DLG2: variants seen among roughly 807,000 people sequenced by gnomAD.
DLG2 encodes disks large homolog 2.
Under a neutral mutation model 132.5 loss-of-function variants are expected in DLG2, and 45 were observed. The ratio of observed to expected loss-of-function variants is 0.34; its 90% CI spans 0.27 to 0.44. DLG2 has a LOEUF of 0.44. DLG2 is among the 20% of genes least tolerant of loss of function. DLG2 has a pLI of 1.00. For missense variants in DLG2, 1,045 were observed against 1,196.9 expected (o/e 0.87, Z 1.87); for synonymous variants, 424 against 419.6 (o/e 1.01, Z -0.13).
intron 7 of DLG2, among the ~76,000 whole-genome samples, chr11:84,338,617 G>A (rs1318682088): frequency 6.6e-6 from 1 of 152,096 alleles, no homozygotes; most frequent in African/African-American, 2.4e-5. Context: ...GAAGTCAGGA[G>A]ATCAAGACCA....
intron 11 of DLG2, among the ~76,000 whole-genome samples, chr11:84,056,750 G>T (rs1188835589): frequency 6.6e-6 from 1 of 152,154 alleles, no homozygotes; most frequent in Non-Finnish European, 1.5e-5. Context: ...ATGGTACTAG[G>T]AGAGGGATGA....
chr11:85,467,689 A>G (rs1039574149), intron 3 of DLG2, among the ~76,000 whole-genome samples: 6 of 152,104 alleles, frequency 3.9e-5, no homozygotes, highest in African/African-American at 9.7e-5. Flanking sequence ...AAGCTTTTTG[A>G]TGTGCCCCTG....
At chr11:84,650,869 GTGTGTATATA>G (rs1288571796) in intron 6 of DLG2, among the ~76,000 whole-genome samples, 44 of 121,656 alleles carry the variant, frequency 3.6e-4, no homozygotes, top group African/African-American at 1.6e-3. Flanking sequence ...GTGTGTGTGT[GTGTGTATATA>G]TATATATATA....
At chr11:84,384,821 G>C (rs993345111) in intron 7 of DLG2, among the ~76,000 whole-genome samples, 3 of 151,996 alleles carry the variant, frequency 2.0e-5, no homozygotes, top group Non-Finnish European at 4.4e-5. Flanking sequence ...AATGACTCCA[G>C]AAGCCACAAG....
At chr11:85,116,629 A>G (rs1347834301) in intron 5 of DLG2, among the ~76,000 whole-genome samples, 3 of 152,002 alleles carry the variant, frequency 2.0e-5, no homozygotes, top group African/African-American at 4.8e-5. Flanking sequence ...TGTTTAAAAA[A>G]AGAGAAGATC....
intron 7 of DLG2, among the ~76,000 whole-genome samples, chr11:84,392,076 T>C (rs1178297711): frequency 2.0e-5 from 3 of 152,230 alleles, no homozygotes. Context: ...TGACACAATG[T>C]ATCTGTCACA....
At chr11:84,317,101 G>A (rs745933356) in intron 7 of DLG2, 3 of 1,612,790 alleles carry the variant, frequency 1.9e-6, no homozygotes, top group Non-Finnish European at 1.7e-6. Flanking sequence ...CCATCCCATC[G>A]GACCCCCGGC....
chr11:84,585,081 A>G (rs922003973), intron 6 of DLG2, among the ~76,000 whole-genome samples: 6 of 151,992 alleles, frequency 3.9e-5, no homozygotes, highest in Admixed American at 2.0e-4. Flanking sequence ...AGTCATAATA[A>G]TATTATGCTA....
intron 3 of DLG2, among the ~76,000 whole-genome samples, chr11:85,466,917 T>C (rs1323593623): frequency 1.3e-5 from 2 of 152,122 alleles, no homozygotes; most frequent in Non-Finnish European, 2.9e-5. Flanking sequence ...GTCATTTTCA[T>C]GATATTGATT....
chr11:84,394,402 C>G (rs529464381), intron 7 of DLG2, among the ~76,000 whole-genome samples: 2 of 151,136 alleles, frequency 1.3e-5, no homozygotes, highest in Non-Finnish European at 2.9e-5. Flanking sequence ...AAAGTTATAG[C>G]ATGACAGTTA....
intron 21 of DLG2, among the ~76,000 whole-genome samples, chr11:83,499,045 G>T (rs933195777): frequency 3.3e-5 from 5 of 152,062 alleles, no homozygotes; most frequent in African/African-American, 1.2e-4. Context: ...AACAAGTAAA[G>T]AGATTGAATC....
chr11:83,600,267 G>GTGTGTGTC, intron 19 of DLG2, among the ~76,000 whole-genome samples: 1 of 151,770 alleles, frequency 6.6e-6, no homozygotes, highest in South Asian at 2.1e-4. Context: ...GTGTGTGTGT[G>GTGTGTGTC]TATGACATTC....
At chr11:84,239,733 G>C (rs181663778) in intron 8 of DLG2, among the ~76,000 whole-genome samples, 5 of 152,262 alleles carry the variant, frequency 3.3e-5, no homozygotes, top group South Asian at 2.1e-4. Flanking sequence ...TCCCCGATAT[G>C]TGCTAGTCTG....
intron 6 of DLG2, among the ~76,000 whole-genome samples, chr11:84,884,579 A>G (rs1338689121): frequency 1.3e-5 from 2 of 152,142 alleles, no homozygotes; most frequent in Non-Finnish European, 2.9e-5. Flanking sequence ...GACAACTTTG[A>G]CTATACAACT....
chr11:84,979,551 G>A (rs186662086), intron 6 of DLG2, among the ~76,000 whole-genome samples: 17 of 151,778 alleles, frequency 1.1e-4, no homozygotes, highest in South Asian at 2.1e-4. Context: ...GCAAACTATC[G>A]CAAGGACAAA....
intron 2 of DLG2, among the ~76,000 whole-genome samples, chr11:85,599,146 G>A (rs540976435): frequency 6.6e-6 from 1 of 151,972 alleles, no homozygotes; most frequent in Admixed American, 6.6e-5. Flanking sequence ...GACCCTTGAG[G>A]CCTCCCTCCC....
intron 8 of DLG2, among the ~76,000 whole-genome samples, chr11:84,213,836 A>AG: frequency 7.2e-6 from 1 of 139,124 alleles, no homozygotes; most frequent in Non-Finnish European, 1.5e-5. Context: ...AAAAAAAAAA[A>AG]GAAAAAAAAA....
intron 11 of DLG2, among the ~76,000 whole-genome samples, chr11:84,008,963 G>C (rs1234006484): frequency 6.6e-6 from 1 of 150,676 alleles, no homozygotes; most frequent in Non-Finnish European, 1.5e-5. Context: ...ACCTAGAGTG[G>C]GAATCAAGCA....
intron 18 of DLG2, among the ~76,000 whole-genome samples, chr11:83,747,366 G>GTC (rs112374522): frequency 0.15 from 20,125 of 130,804 alleles, 1,972 homozygotes; most frequent in African/African-American, 0.27. Context: ...CTTCCTTCCT[G>GTC]TCTCTCTCTC....
Sources: allele counts gnomAD v4.1 joint callset (sites outside exome capture counted in the v4.1 genomes callset), GRCh38; gene constraint gnomAD v4.1.1; transcripts MANE v1.5; gene names NCBI Gene and HGNC (gene_info 2026-07-23, HGNC 2026-07-21).